Variants in CPLANE1 observed in about 807,000 individuals in gnomAD.
The protein encoded by CPLANE1 is ciliogenesis and planar polarity effector 1.
In CPLANE1, 263 loss-of-function variants were observed where a neutral mutation model predicts 362.5. The observed-to-expected ratio is 0.73, with a 90% CI of 0.66 to 0.80. The LOEUF (loss-of-function observed/expected upper bound fraction) is 0.80. Ranked by LOEUF, CPLANE1 falls within the 30% of genes least tolerant of loss-of-function variation. The probability of loss-of-function intolerance (pLI) is 0.00; values close to 1 mark genes in which losing one functional copy is unlikely to be tolerated. For synonymous variants in CPLANE1, 1,212 were observed against 1,302.6 expected (o/e 0.93, Z 1.50); for missense variants, 3,461 against 3,793.4 (o/e 0.91, Z 2.30).
intron 19 of CPLANE1, among the ~76,000 whole-genome samples, chr5:37,201,238 A>G (rs1439884736): frequency 1.3e-5 from 2 of 152,230 alleles, no homozygotes; most frequent in African/African-American, 4.8e-5. Flanking sequence ...CTAATTTTTA[A>G]AAGTCTGGAT....
chr5:37,194,970 G>T (rs912184435), intron 21 of CPLANE1, among the ~76,000 whole-genome samples: 4 of 151,726 alleles, frequency 2.6e-5, no homozygotes, highest in African/African-American at 9.7e-5. Context: ...GGCTAACACG[G>T]TGAAACCCCG....
At chr5:37,136,906 C>A (rs1321041668) in intron 46 of CPLANE1, among the ~76,000 whole-genome samples, 3 of 152,198 alleles carry the variant, frequency 2.0e-5, no homozygotes, top group Non-Finnish European at 2.9e-5. Flanking sequence ...CCCCAGGAAA[C>A]CATTTTTCCC....
the CPLANE1 span, among the ~76,000 whole-genome samples, chr5:37,089,460 C>T: frequency 6.6e-6 from 1 of 152,052 alleles, no homozygotes; most frequent in South Asian, 2.1e-4. Flanking sequence ...AGAACAGTGG[C>T]CTCTGAAGGG....
chr5:37,239,398 T>C (rs1208900377), intron 7 of CPLANE1, among the ~76,000 whole-genome samples: 3 of 151,878 alleles, frequency 2.0e-5, no homozygotes, highest in African/African-American at 7.3e-5. Context: ...CTGGGCAATA[T>C]GGCAAAACCC....
At position 37,212,513 on chromosome 5, in the gene CPLANE1, A is replaced by G; in HGVS notation, c.2920+1046T>C. 3.4e-6 allele frequency: 2 copies of G among 582,856 alleles called. 1 individual carries two copies. The highest frequency in any genetic ancestry group is 6.4e-6 in the Non-Finnish European group (2 of 313,438). The allele number at this position is 582,856 out of a possible 1,614,324, so 36.1% of individuals were successfully genotyped here. A position where few individuals can be genotyped will look rare whatever the true frequency, so the allele number is the denominator to read the frequency against. On this transcript the variant is annotated intron_variant, in intron 16 of 52. Coordinates refer to ENST00000651892, the MANE Select transcript of CPLANE1 (RefSeq NM_001384732.1). Reference sequence around the variant, plus strand: ...TGTAATCCAAAAAAAAAAAAAAGAAAGAAACTACAAATGTTTTCGTATTAT... The same window carrying G: ...TGTAATCCAAAAAAAAAAAAAAGAAGGAAACTACAAATGTTTTCGTATTAT...
chr5:37,095,846 A>G, the CPLANE1 span, among the ~76,000 whole-genome samples: 5 of 152,214 alleles, frequency 3.3e-5, no homozygotes, highest in African/African-American at 1.2e-4. Context: ...CAAAAAATAA[A>G]ATGCTTAGGA....
intron 26 of CPLANE1, among the ~76,000 whole-genome samples, chr5:37,181,744 G>T (rs1249311178): frequency 2.6e-5 from 4 of 152,108 alleles, no homozygotes; most frequent in Non-Finnish European, 1.5e-5. Flanking sequence ...GAGCCCAGGA[G>T]GTCAAGGCTA....
In CPLANE1 at chr5:37,221,455, T is replaced by A; in HGVS notation, c.2615A>T (p.Tyr872Phe). 2 of 1,509,434 alleles carry A rather than the reference T, an allele frequency of 1.3e-6. No individual in the cohort carries two copies. Among genetic ancestry groups the A allele is most frequent in the Non-Finnish European group, 1.8e-6 (2 of 1,133,126 alleles). 93.5% of individuals were successfully genotyped at this position (1,509,434 alleles called of 1,614,324 possible). The part of the protein sequence containing the change: ...GRRTYFLQIR[Y>F]YLSLLYCHLY... ...GTGGCAGTATAAGAGAGAAAGATAA[T>A]AGCGTATCTGAAGAAAATACGTCCT... The change falls in exon 15 of 53, where the codon TAT becomes TTT. Residue 872 changes from tyrosine to phenylalanine, a missense_variant. Around this residue, in one of 2 missense-constraint regions of CPLANE1, gnomAD observed 3,380 missense variants for 3,666.1 expected, o/e 0.92. Coordinates refer to ENST00000651892, the MANE Select transcript of CPLANE1 (RefSeq NM_001384732.1).
the CPLANE1 span, among the ~76,000 whole-genome samples, chr5:37,094,861 C>A: frequency 1.3e-5 from 2 of 152,148 alleles, no homozygotes; most frequent in Non-Finnish European, 2.9e-5. Flanking sequence ...TGGAAAGATA[C>A]AACCCTCCTA....
intron 49 of CPLANE1, 111 bp from the exon 50 acceptor site, chr5:37,120,451 C>T: frequency 1.2e-6 from 1 of 864,734 alleles, no homozygotes. Flanking sequence ...AAGCCTATAG[C>T]CCCAGCTACT....
rs34423138 is a variant in CPLANE1 at position 37,204,748 on chromosome 5, TA to T, written c.3289+566del. On this transcript the variant is annotated intron_variant, in intron 18 of 52. Coordinates refer to ENST00000651892, the MANE Select transcript of CPLANE1 (RefSeq NM_001384732.1). ...GCATCAAGAAAGCTACTTTAATATT[TA>T]AAAAAAAAAAAAAAGGCATGTATGG... 1.5e-3 allele frequency among the ~76,000 whole-genome samples: 212 copies of T among 142,140 alleles called. 1 individual carries two copies. The highest frequency in any genetic ancestry group is 2.2e-3 in the East Asian group (11 of 4,952). 93.2% of individuals were successfully genotyped at this position (142,140 alleles called of 152,430 possible).
Position 37,179,297 on chromosome 5 carries a change from T to C in CPLANE1, c.5820+64A>G. 3 of 1,025,496 alleles carry C rather than the reference T, an allele frequency of 2.9e-6. No individual in the cohort carries two copies. The South Asian group carries it at 4.3e-5, about 15-fold the overall frequency. The allele number at this position is 1,025,496 out of a possible 1,614,324, so 63.5% of individuals were successfully genotyped here. On this transcript the variant is annotated intron_variant, in intron 29 of 52. Coordinates refer to ENST00000651892, the MANE Select transcript of CPLANE1 (RefSeq NM_001384732.1). ...TATTTAATAACAATGAATAAAAACATGTATAATTTAAACACTATACAAAAT... is the reference window on the plus strand; with the variant it reads ...TATTTAATAACAATGAATAAAAACACGTATAATTTAAACACTATACAAAAT...
At chr5:37,140,589 ATT>A (rs1191180694) in intron 44 of CPLANE1, 4 of 985,434 alleles carry the variant, frequency 4.1e-6, no homozygotes, top group East Asian at 2.3e-4. Context: ...TTCTATCAGT[ATT>A]TGAGAGGCCC....
chr5:37,218,970 CAAAT>C (rs1226641564), intron 15 of CPLANE1, among the ~76,000 whole-genome samples: 4 of 150,198 alleles, frequency 2.7e-5, no homozygotes, highest in Non-Finnish European at 5.9e-5. Context: ...AAAATTAAAA[CAAAT>C]GAATTACTAC....
intron 2 of CPLANE1, 68 bp downstream of exon 2, chr5:37,247,550 T>C (rs552719858): frequency 7.4e-7 from 1 of 1,358,402 alleles, no homozygotes; most frequent in Non-Finnish European, 1.0e-6. Flanking sequence ...AGAACACTCC[T>C]ATATTACAGG....
chr5:37,112,305 C>T (rs1270492319), intron 51 of CPLANE1, among the ~76,000 whole-genome samples: 1 of 152,310 alleles, frequency 6.6e-6, no homozygotes, highest in East Asian at 1.9e-4. Flanking sequence ...TCTCACCTTA[C>T]TTTACCTAGA....
chr5:37,157,686 A>G lies in CPLANE1; in HGVS notation c.7995T>C (p.His2665=). Reference sequence around the variant, plus strand: ...AAAAATTACCTTGACTCTTAAAATTATGTGGGGGAACAGCATTAGTAACTG... The same window carrying G: ...AAAAATTACCTTGACTCTTAAAATTGTGTGGGGGAACAGCATTAGTAACTG... ...AASVTNAVPP[H]NFKSQEVTPA... is the part of the protein sequence containing the mutation. Residue 2665 remains histidine, a synonymous_variant, in exon 40 of 53, where the codon CAT becomes CAC. Transcript: ENST00000651892. The G allele has an allele frequency of 6.2e-7, 1 of 1,613,102 alleles. No individual in the cohort carries two copies.
In CPLANE1 at chr5:37,227,457, T is replaced by C. The variant is rs989733819; in HGVS notation, c.1372-65A>G. The C allele has an allele frequency of 8.8e-6, 13 of 1,483,386 alleles. No individual in the cohort carries two copies. The East Asian group carries it at 2.5e-4, about 28-fold the overall frequency. The allele number at this position is 1,483,386 out of a possible 1,614,324, so 91.9% of individuals were successfully genotyped here. On this transcript the variant is annotated intron_variant, in intron 10 of 52. Coordinates refer to ENST00000651892, the MANE Select transcript of CPLANE1 (RefSeq NM_001384732.1). ...TTATCTGTAATTCTATTATAAGCAA[T>C]TAAAAATTCTATAGACAACTGTATA... is the stretch of plus-strand genomic sequence containing the variant.
chr5:37,120,581 T>C (rs1358247753), intron 49 of CPLANE1, among the ~76,000 whole-genome samples: 1 of 152,142 alleles, frequency 6.6e-6, no homozygotes, highest in Non-Finnish European at 1.5e-5. Flanking sequence ...CCCTGTTACT[T>C]TAAGGAAAAA....
Sources: gnomAD v4.1 joint callset for allele counts (sites outside exome capture counted in the v4.1 genomes callset) on GRCh38, gnomAD v4.1.1 for gene constraint, gnomAD v4.1.1 regional missense constraint, MANE v1.5 for transcripts, NCBI Gene and HGNC (gene_info 2026-07-23, HGNC 2026-07-21) for gene names.